WDR27: variants seen among roughly 807,000 people sequenced by gnomAD.
The protein encoded by WDR27 is WD repeat domain 27.
A neutral mutation model predicts 114.4 loss-of-function variants in WDR27; 100 were observed. That is an observed-to-expected ratio of 0.87 (90% confidence interval 0.74 to 1.03). The LOEUF is 1.03. Among genes scored for constraint, WDR27 ranks in the 50% least tolerant of loss-of-function variants. The pLI, the probability that WDR27 is intolerant of heterozygous loss-of-function variation, is 0.00. For missense variants in WDR27, 1,129 were observed against 1,092.9 expected (o/e 1.03, Z -0.47); for synonymous variants, 449 against 423.1 (o/e 1.06, Z -0.75).
intron 20 of WDR27, 57 bp downstream of exon 20, chr6:169,634,371 G>T: frequency 7.5e-7 from 1 of 1,331,366 alleles, no homozygotes; most frequent in Non-Finnish European, 1.1e-6. Flanking sequence ...ACATGCCTCT[G>T]CCAGAGGAAC....
chr6:169,651,836 C>T, intron 14 of WDR27, 94 bp downstream of exon 14: 1 of 1,099,326 alleles, frequency 9.1e-7, no homozygotes, highest in Admixed American at 2.1e-5. Flanking sequence ...CATACTGTGG[C>T]CCTCGGGGAT....
intron 25 of WDR27, among the ~76,000 whole-genome samples, chr6:169,567,508 G>A (rs9477990): frequency 0.46 from 69,313 of 151,820 alleles, 19,783 homozygotes; most frequent in Non-Finnish European, 0.65. Context: ...GCTCCCTGAC[G>A]CTCCCCAACA....
intron 17 of WDR27, among the ~76,000 whole-genome samples, chr6:169,638,871 T>C (rs1489640320): frequency 1.3e-5 from 2 of 152,248 alleles, no homozygotes; most frequent in African/African-American, 4.8e-5. Context: ...CAGTGTGGCT[T>C]CTGAAGGCAG....
intron 8 of WDR27, chr6:169,663,562 C>T (rs894396838): frequency 1.3e-5 from 2 of 152,582 alleles, no homozygotes; most frequent in Non-Finnish European, 2.9e-5. Context: ...AAAAAGCGCA[C>T]CTGAGGAGAG....
chr6:169,626,024 C>T (rs562808736), intron 21 of WDR27, among the ~76,000 whole-genome samples: 15 of 152,264 alleles, frequency 9.9e-5, no homozygotes, highest in African/African-American at 1.7e-4. Context: ...AGGGTAAGAA[C>T]GAGAAAGTGG....
At chr6:169,570,579 A>G (rs1195899739) in intron 25 of WDR27, among the ~76,000 whole-genome samples, 4 of 152,214 alleles carry the variant, frequency 2.6e-5, no homozygotes, top group Admixed American at 2.0e-4. Context: ...CTGTAATCCC[A>G]ACACTTTGGG....
At chr6:169,460,572 T>G (rs1039207669) in intron 25 of WDR27, among the ~76,000 whole-genome samples, 8 of 152,060 alleles carry the variant, frequency 5.3e-5, no homozygotes, top group Admixed American at 4.6e-4. Flanking sequence ...AACATGACAG[T>G]AGTTAAGTCC....
intron 23 of WDR27, among the ~76,000 whole-genome samples, chr6:169,601,304 C>A (rs1237956330): frequency 2.0e-5 from 3 of 152,178 alleles, no homozygotes; most frequent in Non-Finnish European, 2.9e-5. Flanking sequence ...TATTTCTAAA[C>A]AGAACATCAG....
chr6:169,695,329 G>C (rs1785611599), intron 1 of WDR27, among the ~76,000 whole-genome samples: 1 of 152,162 alleles, frequency 6.6e-6, no homozygotes, highest in African/African-American at 2.4e-5. Context: ...TGAACAACAA[G>C]AGACCCCACT....
Position 169,457,251 on chromosome 6 carries a change from C to A in WDR27, c.*341G>T. 5.0e-6 allele frequency: 1 copy of A among 200,932 alleles called. No individual in the cohort carries two copies. The highest frequency in any genetic ancestry group is 1.0e-5 in the Non-Finnish European group (1 of 98,880). The allele number at this position is 200,932 out of a possible 1,614,324, so 12.4% of individuals were successfully genotyped here. A position where few individuals can be genotyped will look rare whatever the true frequency, so the allele number is the denominator to read the frequency against. ...TTATTTTCACTGCCCAAAAGAAATT[C>A]TCTCTTTTTTCTTCCAACTCTAATT... On this transcript the variant is annotated 3_prime_UTR_variant, in exon 26 of 26. Transcript: ENST00000448612.
At chr6:169,642,249 A>C (rs1819379430) in intron 17 of WDR27, among the ~76,000 whole-genome samples, 1 of 152,170 alleles carries the variant, frequency 6.6e-6, no homozygotes, top group African/African-American at 2.4e-5. Context: ...AACGTTACAC[A>C]CCCAAAGTGA....
chr6:169,648,363 G>A (rs1821336014), intron 15 of WDR27, among the ~76,000 whole-genome samples: 2 of 152,168 alleles, frequency 1.3e-5, no homozygotes, highest in Non-Finnish European at 2.9e-5. Context: ...CCAGCAGAAG[G>A]CCCAAGAGAG....
At chr6:169,477,728 C>T (rs1417711499) in intron 25 of WDR27, among the ~76,000 whole-genome samples, 2 of 152,150 alleles carry the variant, frequency 1.3e-5, no homozygotes, top group African/African-American at 4.8e-5. Context: ...TCCACTGTGC[C>T]TGGACTTTTT....
the WDR27 span, chr6:169,426,995 T>A: frequency 6.6e-6 from 1 of 151,466 alleles, no homozygotes; most frequent in African/African-American, 2.4e-5. Flanking sequence ...GGCGGTTGCA[T>A]ACCATCCTGA....
At chr6:169,553,271 G>A (rs965559589) in intron 25 of WDR27, among the ~76,000 whole-genome samples, 9 of 152,180 alleles carry the variant, frequency 5.9e-5, no homozygotes, top group Middle Eastern at 3.4e-3. Context: ...CTCACTCCCA[G>A]CCCGGCCCAG....
chr6:169,694,964 G>A (rs1456100462), intron 1 of WDR27, among the ~76,000 whole-genome samples: 1 of 152,238 alleles, frequency 6.6e-6, no homozygotes, highest in African/African-American at 2.4e-5. Flanking sequence ...CAAGAAGTCA[G>A]GCCTGGGACA....
Position 169,659,049 on chromosome 6 carries a change from A to AACAC in WDR27, c.1319+33_1319+36dup, listed in dbSNP as rs747111175. 10 of 1,484,160 alleles carry AACAC rather than the reference A, an allele frequency of 6.7e-6. No homozygotes were observed. The highest frequency in any genetic ancestry group is 8.9e-6 in the Non-Finnish European group (10 of 1,117,958). 91.9% of individuals were successfully genotyped at this position (1,484,160 alleles called of 1,614,324 possible). A position where few individuals can be genotyped will look rare whatever the true frequency, so the allele number is the denominator to read the frequency against. On this transcript the variant is annotated intron_variant, in intron 12 of 25. Coordinates refer to ENST00000448612, the MANE Select transcript of WDR27 (RefSeq NM_182552.5). This position sits in a 1 kb window ranked among gnomAD's most constrained non-coding sequence, Gnocchi z 4.3. ...GAAATCCAGATGGCACTTATTGGTG[A>AACAC]ACACACACACACACTCCACACTTGA...
At chr6:169,689,263 C>T in intron 1 of WDR27, 2 of 339,068 alleles carry the variant, frequency 5.9e-6, no homozygotes, top group Non-Finnish European at 1.1e-5. Context: ...TACCACTATT[C>T]CCACTTCACA....
downstream of WDR27, among the ~76,000 whole-genome samples, chr6:169,452,559 TGC>T (rs1784199282): frequency 1.6e-5 from 1 of 62,312 alleles, no homozygotes; most frequent in Non-Finnish European, 2.7e-5. Flanking sequence ...AGAGGAGCCG[TGC>T]GTGGGGTCAG....
Sources: allele counts gnomAD v4.1 joint callset (sites outside exome capture counted in the v4.1 genomes callset), GRCh38; gene constraint gnomAD v4.1.1; non-coding constraint Gnocchi (gnomAD v3.1); transcripts MANE v1.5; gene names NCBI Gene and HGNC (gene_info 2026-07-23, HGNC 2026-07-21).